The following ST6GALNAC3 variants were observed in gnomAD, a reference collection of about 807,000 sequenced individuals.
ST6GALNAC3 encodes the protein ST6 N-acetylgalactosaminide alpha-2,6-sialyltransferase 3, also known as alpha-N-acetylgalactosaminide alpha-2,6-sialyltransferase 3.
ST6GALNAC3 carries 25 observed loss-of-function variants against 32.7 expected under a neutral mutation model. That is an observed-to-expected ratio of 0.76 (90% CI 0.56 to 1.07). ST6GALNAC3 has a LOEUF of 1.07. Ranked by LOEUF, ST6GALNAC3 falls within the 50% of genes least tolerant of loss-of-function variation. The pLI is 0.00. For synonymous variants in ST6GALNAC3, 129 were observed against 133.1 expected (o/e 0.97, Z 0.21); for missense variants, 355 against 382.4 (o/e 0.93, Z 0.60).
At chr1:76,619,631 GAAACATCAAGATA>G (rs1260520469) in intron 3 of ST6GALNAC3, among the ~76,000 whole-genome samples, 8 of 151,980 alleles carry the variant, frequency 5.3e-5, no homozygotes, top group African/African-American at 1.9e-4. Flanking sequence ...ATAACTATAT[GAAACATCAAGATA>G]TCTCTAATAT....
chr1:76,496,033 A>T (rs1660827145), intron 3 of ST6GALNAC3, among the ~76,000 whole-genome samples: 1 of 152,194 alleles, frequency 6.6e-6, no homozygotes, highest in African/African-American at 2.4e-5. Context: ...TTTTGCTAAC[A>T]TCACTTCCAA....
At chr1:76,253,645 G>A (rs140145307) in intron 1 of ST6GALNAC3, among the ~76,000 whole-genome samples, 94 of 152,172 alleles carry the variant, frequency 6.2e-4, no homozygotes, top group African/African-American at 1.9e-3. Flanking sequence ...GAGCCTGCCC[G>A]CTATGGAAAA....
At chr1:76,537,920 A>T (rs1663725147) in intron 3 of ST6GALNAC3, among the ~76,000 whole-genome samples, 1 of 152,202 alleles carries the variant, frequency 6.6e-6, no homozygotes, top group Non-Finnish European at 1.5e-5. Context: ...ATGGATTCAC[A>T]GCCGAATTCT....
intron 2 of ST6GALNAC3, among the ~76,000 whole-genome samples, chr1:76,327,780 G>C (rs1647106341): frequency 6.6e-6 from 1 of 152,080 alleles, no homozygotes; most frequent in African/African-American, 2.4e-5. Flanking sequence ...AGTAGAAACA[G>C]GGTTTCACCA....
At chr1:76,510,193 T>G (rs111452178) in intron 3 of ST6GALNAC3, among the ~76,000 whole-genome samples, 203 of 152,232 alleles carry the variant, frequency 1.3e-3, no homozygotes, top group Middle Eastern at 0.01. Flanking sequence ...ATCACAGCAT[T>G]AATAGGTAGG....
chr1:76,391,944 G>A (rs976638990), intron 2 of ST6GALNAC3, among the ~76,000 whole-genome samples: 3 of 152,106 alleles, frequency 2.0e-5, no homozygotes, highest in Non-Finnish European at 4.4e-5. Flanking sequence ...TTTTCATTAG[G>A]CCTGTTACCT....
intron 1 of ST6GALNAC3, among the ~76,000 whole-genome samples, chr1:76,244,859 G>A (rs1185055081): frequency 6.6e-6 from 1 of 152,082 alleles, no homozygotes; most frequent in African/African-American, 2.4e-5. Flanking sequence ...ATTTTACTGA[G>A]GATTTTCACA....
At chr1:76,536,989 C>G (rs553883566) in intron 3 of ST6GALNAC3, among the ~76,000 whole-genome samples, 67 of 152,206 alleles carry the variant, frequency 4.4e-4, no homozygotes, top group African/African-American at 1.6e-3. Flanking sequence ...CAAGTGGACC[C>G]AATAGGTATC....
At chr1:76,255,741 T>C (rs181561454) in intron 1 of ST6GALNAC3, among the ~76,000 whole-genome samples, 2 of 152,190 alleles carry the variant, frequency 1.3e-5, no homozygotes, top group East Asian at 3.9e-4. Flanking sequence ...GTTATGAAAC[T>C]GTGGGTGCTT....
Position 76,242,652 on chromosome 1 carries a change from G to A in ST6GALNAC3, c.19-71153G>A, listed in dbSNP as rs1315613402. ...CCTGGTGTGTGATGTTCCCCTCCCTGTGTCCATGTGTTCTCCTTGTTCACT... is the reference window on the plus strand; with the variant it reads ...CCTGGTGTGTGATGTTCCCCTCCCTATGTCCATGTGTTCTCCTTGTTCACT... On this transcript the variant is annotated intron_variant, in intron 1 of 4. Transcript: ENST00000328299. Among the ~76,000 whole-genome samples, 4 of 152,108 alleles carry A rather than the reference G, an allele frequency of 2.6e-5. No individual in the cohort carries two copies. The East Asian group carries it at 7.7e-4, about 29-fold the overall frequency.
intron 3 of ST6GALNAC3, among the ~76,000 whole-genome samples, chr1:76,447,118 A>G (rs967856892): frequency 1.3e-5 from 2 of 152,208 alleles, no homozygotes; most frequent in African/African-American, 4.8e-5. Flanking sequence ...TAAAATGCTG[A>G]TAAGTATATG....
rs1278340747 is a variant in ST6GALNAC3 at position 76,633,005 on chromosome 1, T to C, written c.*4199T>C. On this transcript the variant is annotated 3_prime_UTR_variant, in exon 5 of 5. Transcript: ENST00000328299. Reference sequence around the variant, plus strand: ...TCATCATTTCAGTAGTGTACATAGATTAGTGACTGAAGGAGCCAGTGCTAG... The same window carrying C: ...TCATCATTTCAGTAGTGTACATAGACTAGTGACTGAAGGAGCCAGTGCTAG... 1 of 152,158 alleles carries C rather than the reference T, an allele frequency of 6.6e-6. No homozygotes were observed. Among genetic ancestry groups the C allele is most frequent in the Non-Finnish European group, 1.5e-5 (1 of 68,020 alleles). The allele number at this position is 152,158 out of a possible 1,614,324, so 9.4% of individuals were successfully genotyped here.
intron 3 of ST6GALNAC3, among the ~76,000 whole-genome samples, chr1:76,434,485 C>A (rs1486724202): frequency 6.6e-6 from 1 of 152,048 alleles, no homozygotes; most frequent in Non-Finnish European, 1.5e-5. Flanking sequence ...ACTAAAAATC[C>A]TGCAACAAGA....
At chr1:76,209,114 A>G (rs1400896043) in intron 1 of ST6GALNAC3, among the ~76,000 whole-genome samples, 1 of 152,156 alleles carries the variant, frequency 6.6e-6, no homozygotes, top group Non-Finnish European at 1.5e-5. Flanking sequence ...AAGATTCTGT[A>G]GAATTTTCAG....
At position 76,413,893 on chromosome 1, in the gene ST6GALNAC3, A is replaced by C. The variant is rs903056759; in HGVS notation, c.623+1476A>C. On this transcript the variant is annotated intron_variant, in intron 3 of 4. Coordinates refer to ENST00000328299, the MANE Select transcript of ST6GALNAC3 (RefSeq NM_152996.4). ...TTCTGATCTCTCCTTAGCCCAGAGC[A>C]ATGCAATTAATGAAATGTATTTTGG... Among the ~76,000 whole-genome samples, 6 of 152,232 alleles carry C rather than the reference A, an allele frequency of 3.9e-5. 1 individual carries two copies. Among genetic ancestry groups the C allele is most frequent in the Admixed American group, 3.9e-4 (6 of 15,276 alleles).
intron 1 of ST6GALNAC3, among the ~76,000 whole-genome samples, chr1:76,275,164 T>C (rs1185315286): frequency 6.6e-6 from 1 of 152,178 alleles, no homozygotes; most frequent in Non-Finnish European, 1.5e-5. Context: ...ATTGCAGGAC[T>C]TTAATATGCT....
At position 76,271,933 on chromosome 1, in the gene ST6GALNAC3, C is replaced by A. The variant is rs545301459; in HGVS notation, c.19-41872C>A. Among the ~76,000 whole-genome samples, 198 of 152,220 alleles carry A rather than the reference C, an allele frequency of 1.3e-3. 1 individual carries two copies. In the Middle Eastern group the frequency reaches 0.02, roughly 16 times the overall value. On this transcript the variant is annotated intron_variant, in intron 1 of 4. Transcript: ENST00000328299. ...TAAAGCTGAGAGAGACTTTACAGAT[C>A]ATTTAGACCCCTTCCGAGGCCAAGT... is the stretch of plus-strand genomic sequence containing the variant.
chr1:76,270,153 A>C (rs77749437), intron 1 of ST6GALNAC3, among the ~76,000 whole-genome samples: 3,900 of 152,288 alleles, frequency 0.026, 168 homozygotes, highest in African/African-American at 0.088. Flanking sequence ...ATATTAATGT[A>C]CTTTTTTACT....
chr1:76,095,121 G>GAT (rs894578488), intron 1 of ST6GALNAC3, among the ~76,000 whole-genome samples: 2 of 152,076 alleles, frequency 1.3e-5, no homozygotes, highest in African/African-American at 4.8e-5. Context: ...TCCTTTCTGT[G>GAT]ATATATATAC....
Sources: gnomAD v4.1 joint callset for allele counts (sites outside exome capture counted in the v4.1 genomes callset) on GRCh38, gnomAD v4.1.1 for gene constraint, MANE v1.5 for transcripts, NCBI Gene and HGNC (gene_info 2026-07-23, HGNC 2026-07-21) for gene names.